MTRF1: variants seen among roughly 807,000 people sequenced by gnomAD.
MTRF1 encodes the protein peptide chain release factor 1, mitochondrial.
Under a neutral mutation model 62.9 loss-of-function variants are expected in MTRF1, and 51 were observed. The ratio of observed to expected loss-of-function variants is 0.81; its 90% CI spans 0.65 to 1.02. MTRF1 has a LOEUF of 1.02. MTRF1 is among the 50% of genes least tolerant of loss of function. MTRF1 has a pLI of 0.00. For synonymous variants in MTRF1, 158 were observed against 181.9 expected, an observed-to-expected ratio of 0.87 and a Z score of 1.06; for missense variants, 446 against 530.0, an observed-to-expected ratio of 0.84 and a Z score of 1.56.
At chr13:41,249,865 T>C (rs2038842354) in intron 5 of MTRF1, among the ~76,000 whole-genome samples, 1 of 152,070 alleles carries the variant, frequency 6.6e-6, no homozygotes, top group South Asian at 2.1e-4. Flanking sequence ...CCACCCGCCT[T>C]GGTCTCCCAG....
chr13:41,295,410 C>T, the MTRF1 span, among the ~76,000 whole-genome samples: 4 of 152,242 alleles, frequency 2.6e-5, no homozygotes, highest in African/African-American at 7.2e-5. Flanking sequence ...ATAAATTGTA[C>T]ATCATAATCC....
At chr13:41,279,014 G>A in the MTRF1 span, among the ~76,000 whole-genome samples, 2,052 of 152,004 alleles carry the variant, frequency 0.013, 54 homozygotes, top group African/African-American at 0.045. Flanking sequence ...TTGAGATGAA[G>A]TTTTGTTCTT....
chr13:41,231,989 C>T lies in MTRF1; in HGVS notation c.988+1901G>A, dbSNP rs140590071. On this transcript the variant is annotated intron_variant, in intron 7 of 9. Coordinates refer to ENST00000379480, the MANE Select transcript of MTRF1 (RefSeq NM_004294.4). ...AGTGGTGCTGAGGTGGGAGGGTCAC[C>T]TGAGCCTGGGAAAGTCACAGCTGCA... Among the ~76,000 whole-genome samples, 712 of 151,812 alleles carry T rather than the reference C, an allele frequency of 4.7e-3. 6 individuals are homozygous for T. Among genetic ancestry groups the T allele is most frequent in the African/African-American group, 0.016 (669 of 41,392 alleles).
upstream of MTRF1, among the ~76,000 whole-genome samples, chr13:41,265,570 A>C (rs1211160549): frequency 6.6e-6 from 1 of 152,124 alleles, no homozygotes; most frequent in African/African-American, 2.4e-5. Flanking sequence ...AGGGCCTTTA[A>C]GGTGATTAAG....
At chr13:41,258,042 C>G (rs1194222138) in intron 2 of MTRF1, among the ~76,000 whole-genome samples, 1 of 152,092 alleles carries the variant, frequency 6.6e-6, no homozygotes, top group East Asian at 1.9e-4. Context: ...AGAAGTTATG[C>G]CAATTTAATT....
chr13:41,306,199 G>A, the MTRF1 span, among the ~76,000 whole-genome samples: 1 of 152,052 alleles, frequency 6.6e-6, no homozygotes, highest in Non-Finnish European at 1.5e-5. Flanking sequence ...TGGCTAACAC[G>A]GTGAAACCCC....
the MTRF1 span, chr13:41,311,542 T>C: frequency 6.2e-7 from 1 of 1,607,124 alleles, no homozygotes; most frequent in African/African-American, 1.3e-5. Flanking sequence ...CCGAACGTGC[T>C]GCTGCCGCCC....
At chr13:41,261,927 G>T in intron 1 of MTRF1, 1 of 232,132 alleles carries the variant, frequency 4.3e-6, no homozygotes. Context: ...AGCAAGAAAG[G>T]CAAGGAACAA....
chr13:41,219,998 CA>C (rs71086550), intron 9 of MTRF1, among the ~76,000 whole-genome samples: 25,045 of 69,176 alleles, frequency 0.36, 2,513 homozygotes, highest in East Asian at 0.44. Context: ...ACCTCTGTCT[CA>C]AAAAAAAAAA....
rs755165706 is a variant in MTRF1 at position 41,260,821 on chromosome 13, T to C, written c.87A>G (p.Gln29=). The change falls in exon 2 of 10, where the codon CAA becomes CAG. Residue 29 remains glutamine (Q), a synonymous_variant. Coordinates refer to ENST00000379480, the MANE Select transcript of MTRF1 (RefSeq NM_004294.4). ...TTGTATCAAGATGTATCTGTCTAAA[T>C]TGATGAGAATGGAGCTGGATGTGAC... ...LQCHIQLHSH[Q]FRQIHLDTRL... The C allele has an allele frequency of 2.5e-6, 4 of 1,614,178 alleles. No individual in the cohort carries two copies. Among genetic ancestry groups the C allele is most frequent in the Middle Eastern group, 1.6e-4 (1 of 6,062 alleles).
chr13:41,223,379 A>C lies in MTRF1; in HGVS notation c.1126-25T>G. The C allele has an allele frequency of 3.2e-6, 5 of 1,577,766 alleles. No homozygotes were observed. In the East Asian group the frequency reaches 1.1e-4, roughly 35 times the overall value. On this transcript the variant is annotated intron_variant, in intron 8 of 9. Coordinates refer to ENST00000379480, the MANE Select transcript of MTRF1 (RefSeq NM_004294.4). ...CCTGTGCCATAACAAAAAGCAATTT[A>C]TATTTTACCTTTATAAATGTCTTCA...
intron 1 of MTRF1, 34 bp from the exon 2 acceptor site, chr13:41,260,949 A>AT: frequency 6.5e-7 from 1 of 1,526,800 alleles, no homozygotes; most frequent in Non-Finnish European, 8.8e-7. Flanking sequence ...TTAAAAAAAA[A>AT]TCATCTCTAA....
chr13:41,260,324 T>C (rs112868650), intron 2 of MTRF1, among the ~76,000 whole-genome samples, 169 bp downstream of exon 2: 1 of 151,934 alleles, frequency 6.6e-6, no homozygotes, highest in Non-Finnish European at 1.5e-5. Context: ...ACTGCACTCC[T>C]GCCTGGGCAA....
At chr13:41,298,214 T>G in the MTRF1 span, among the ~76,000 whole-genome samples, 1 of 152,194 alleles carries the variant, frequency 6.6e-6, no homozygotes, top group Admixed American at 6.5e-5. Flanking sequence ...CTTTCTTTTC[T>G]TTTTCTTCCT....
chr13:41,221,615 G>A (rs1419018414), intron 9 of MTRF1, among the ~76,000 whole-genome samples: 4 of 152,122 alleles, frequency 2.6e-5, no homozygotes, highest in Non-Finnish European at 5.9e-5. Flanking sequence ...GAGCTTACCA[G>A]TGTTATTTTC....
At chr13:41,307,907 TTATAACTATA>T in the MTRF1 span, among the ~76,000 whole-genome samples, 1 of 152,202 alleles carries the variant, frequency 6.6e-6, no homozygotes, top group South Asian at 2.1e-4. Context: ...ATATGAGTAT[TTATAACTATA>T]TATAACTATA....
intron 6 of MTRF1, among the ~76,000 whole-genome samples, chr13:41,239,059 T>A (rs1049999650): frequency 4.6e-5 from 7 of 151,036 alleles, no homozygotes; most frequent in African/African-American, 1.7e-4. Context: ...TAAAGAAACA[T>A]AGCAACTAAT....
rs899228013 is a variant in MTRF1 at position 41,260,477 on chromosome 13, A to G, written c.415+16T>C. 6.2e-6 allele frequency: 10 copies of G among 1,602,324 alleles called. No homozygotes were observed. The African/African-American group carries it at 9.4e-5, about 15-fold the overall frequency. On this transcript the variant is annotated intron_variant, in intron 2 of 9. Coordinates refer to ENST00000379480, the MANE Select transcript of MTRF1 (RefSeq NM_004294.4). Reference sequence around the variant, plus strand: ...TCATAGCCCTTATGCAGGACACATAAGTATCTTTTACCTACTTTTACACAT... The same window carrying G: ...TCATAGCCCTTATGCAGGACACATAGGTATCTTTTACCTACTTTTACACAT...
In MTRF1 at chr13:41,260,927, T is replaced by C. The variant is rs371054321; in HGVS notation, c.-8-12A>G. ...ATTCATCTCAGCATCTGAAATACAA[T>C]AAACACAGTCTTTAAAAAAAAATCA... is the stretch of plus-strand genomic sequence containing the variant. On this transcript the variant is annotated splice_polypyrimidine_tract_variant and intron_variant, in intron 1 of 9. Transcript: ENST00000379480. The C allele has an allele frequency of 1.4e-5, 21 of 1,526,474 alleles. No individual in the cohort carries two copies. The highest frequency in any genetic ancestry group is 1.7e-5 in the Non-Finnish European group (20 of 1,142,896). The allele number at this position is 1,526,474 out of a possible 1,614,324, so 94.6% of individuals were successfully genotyped here.
Sources: gnomAD v4.1 joint callset for allele counts (sites outside exome capture counted in the v4.1 genomes callset) on GRCh38, gnomAD v4.1.1 for gene constraint, MANE v1.5 for transcripts, NCBI Gene and HGNC (gene_info 2026-07-23, HGNC 2026-07-21) for gene names.